Variants in OXR1 observed in about 807,000 individuals in gnomAD.
OXR1 encodes the protein oxidation resistance 1, also known as oxidation resistance protein 1.
A neutral mutation model predicts 104.6 loss-of-function variants in OXR1; 41 were observed. The ratio of observed to expected loss-of-function variants is 0.39; its 90% CI spans 0.31 to 0.51. The LOEUF (loss-of-function observed/expected upper bound fraction) is 0.51, where lower values mean the gene tolerates loss of function less well. Among genes scored for constraint, OXR1 ranks in the 20% least tolerant of loss-of-function variants. OXR1 has a pLI of 0.77. For synonymous variants in OXR1, 348 were observed against 348.4 expected (o/e 1.00, Z 0.01); for missense variants, 955 against 1,031.9 (o/e 0.93, Z 1.02).
intron 2 of OXR1, among the ~76,000 whole-genome samples, chr8:106,453,296 C>T (rs1173159170): frequency 2.0e-5 from 3 of 152,290 alleles, no homozygotes; most frequent in Non-Finnish European, 4.4e-5. Flanking sequence ...TAGCATGGTG[C>T]CTTGCCCTAA....
intron 1 of OXR1, among the ~76,000 whole-genome samples, chr8:106,288,526 A>ATG (rs1273771257): frequency 2.1e-5 from 2 of 94,104 alleles, no homozygotes; most frequent in East Asian, 3.2e-4. Flanking sequence ...GTATATATAT[A>ATG]TGTATGTGTG....
chr8:106,512,388 G>C (rs1221607132), intron 2 of OXR1, among the ~76,000 whole-genome samples: 1 of 152,092 alleles, frequency 6.6e-6, no homozygotes, highest in Non-Finnish European at 1.5e-5. Flanking sequence ...ATGCTATAGT[G>C]GGTTTTCTCA....
chr8:106,314,248 A>C (rs1216071986), intron 1 of OXR1, among the ~76,000 whole-genome samples: 1 of 152,114 alleles, frequency 6.6e-6, no homozygotes, highest in African/African-American at 2.4e-5. Context: ...TTTGTAGGTA[A>C]TTTTCACTCA....
chr8:106,513,444 A>C (rs1312617986), intron 2 of OXR1, among the ~76,000 whole-genome samples: 1 of 151,924 alleles, frequency 6.6e-6, no homozygotes, highest in Non-Finnish European at 1.5e-5. Flanking sequence ...CAGGTGATCT[A>C]TCTGATGGGT....
Position 106,637,123 on chromosome 8 carries a change from A to G in OXR1, c.221-42087A>G, listed in dbSNP as rs1586941470. ...TACTCCTCAGCTTGTTTGTTTTGCT[A>G]TGGTACAATATTATCATCCTTGGCT... On this transcript the variant is annotated intron_variant, in intron 3 of 16. Transcript: ENST00000517566. Among the ~76,000 whole-genome samples the G allele has an allele frequency of 2.6e-5, 4 of 152,286 alleles. No individual in the cohort carries two copies. In the South Asian group the frequency reaches 8.3e-4, roughly 32 times the overall value.
intron 3 of OXR1, among the ~76,000 whole-genome samples, chr8:106,635,015 T>C (rs978535636): frequency 6.6e-6 from 1 of 152,186 alleles, no homozygotes; most frequent in Non-Finnish European, 1.5e-5. Flanking sequence ...GGCACTGGTC[T>C]TAATGACAAA....
At chr8:106,710,308 G>GTA (rs34244978) in intron 9 of OXR1, among the ~76,000 whole-genome samples, 19,947 of 151,560 alleles carry the variant, frequency 0.13, 1,572 homozygotes, top group Non-Finnish European at 0.18. Flanking sequence ...TTATGTGTGT[G>GTA]TATATATATA....
At chr8:106,339,551 TATATAA>T (rs1180117510) in intron 1 of OXR1, among the ~76,000 whole-genome samples, 14 of 78,048 alleles carry the variant, frequency 1.8e-4, no homozygotes, top group African/African-American at 7.8e-4. Context: ...TATATATATA[TATATAA>T]AACGAAATCA....
At chr8:106,477,748 G>C (rs1026391951) in intron 2 of OXR1, among the ~76,000 whole-genome samples, 18 of 151,756 alleles carry the variant, frequency 1.2e-4, no homozygotes, top group African/African-American at 4.1e-4. Flanking sequence ...GATTCTCACA[G>C]TTCAAATCCA....
At chr8:106,365,674 A>G (rs937646586) in intron 2 of OXR1, among the ~76,000 whole-genome samples, 1 of 152,214 alleles carries the variant, frequency 6.6e-6, no homozygotes, top group Non-Finnish European at 1.5e-5. Context: ...TAAATACACT[A>G]CATTTTTAGA....
chr8:106,616,167 G>A (rs913677608), intron 3 of OXR1, among the ~76,000 whole-genome samples: 2 of 147,078 alleles, frequency 1.4e-5, no homozygotes, highest in Admixed American at 6.9e-5. Flanking sequence ...TCAGCCTCCT[G>A]AGTAGCTGGG....
intron 3 of OXR1, among the ~76,000 whole-genome samples, chr8:106,667,788 A>G (rs534446488): frequency 6.6e-6 from 1 of 152,220 alleles, no homozygotes; most frequent in East Asian, 1.9e-4. Context: ...AGTCACCCAG[A>G]GATACTGTTA....
At chr8:106,397,885 G>A (rs1483525271) in intron 2 of OXR1, among the ~76,000 whole-genome samples, 1 of 152,114 alleles carries the variant, frequency 6.6e-6, no homozygotes, top group Non-Finnish European at 1.5e-5. Flanking sequence ...GAGACCACAA[G>A]CCAAAATCAA....
At chr8:106,305,583 G>C (rs1425557307) in intron 1 of OXR1, among the ~76,000 whole-genome samples, 1 of 152,108 alleles carries the variant, frequency 6.6e-6, no homozygotes, top group African/African-American at 2.4e-5. Context: ...TAGCTGTGTG[G>C]ATGGATGATA....
intron 1 of OXR1, among the ~76,000 whole-genome samples, chr8:106,286,452 G>A (rs1812506304): frequency 6.6e-6 from 1 of 151,364 alleles, no homozygotes; most frequent in Admixed American, 6.6e-5. Flanking sequence ...GTGGCAGCAG[G>A]AAGGGAGAGG....
At chr8:106,539,005 G>T (rs1387325214) in intron 3 of OXR1, among the ~76,000 whole-genome samples, 1 of 152,146 alleles carries the variant, frequency 6.6e-6, no homozygotes, top group Admixed American at 6.5e-5. Flanking sequence ...AAGGGGTAGA[G>T]TAAGGCTTTA....
At chr8:106,281,992 T>A (rs1427763358) in intron 1 of OXR1, among the ~76,000 whole-genome samples, 3 of 152,132 alleles carry the variant, frequency 2.0e-5, no homozygotes, top group Non-Finnish European at 1.5e-5. Context: ...TATATTCTAT[T>A]TTTAAAACTC....
At chr8:106,633,307 T>G (rs563468091) in intron 3 of OXR1, among the ~76,000 whole-genome samples, 80 of 151,984 alleles carry the variant, frequency 5.3e-4, no homozygotes, top group Non-Finnish European at 9.6e-4. Context: ...TAAAAAACAC[T>G]ACAAAATTAT....
intron 3 of OXR1, among the ~76,000 whole-genome samples, chr8:106,637,918 T>C (rs1318047427): frequency 7.9e-5 from 12 of 151,994 alleles, no homozygotes; most frequent in Non-Finnish European, 5.9e-5. Flanking sequence ...CCCACCACCA[T>C]GCCCGGCTAC....
Sources: gnomAD v4.1 joint callset for allele counts (sites outside exome capture counted in the v4.1 genomes callset) on GRCh38, gnomAD v4.1.1 for gene constraint, MANE v1.5 for transcripts, NCBI Gene and HGNC (gene_info 2026-07-23, HGNC 2026-07-21) for gene names.